The following ADAMTS12 variants were observed in gnomAD, a reference collection of about 807,000 sequenced individuals.
ADAMTS12 encodes the protein A disintegrin and metalloproteinase with thrombospondin motifs 12.
ADAMTS12 carries 118 observed loss-of-function variants against 167.8 expected under a neutral mutation model. That is an observed-to-expected ratio of 0.70 (90% CI 0.61 to 0.82). ADAMTS12 has a LOEUF of 0.82. Among genes scored for constraint, ADAMTS12 ranks in the 40% least tolerant of loss-of-function variants. The pLI, the probability that ADAMTS12 is intolerant of heterozygous loss-of-function variation, is 0.00. For synonymous variants in ADAMTS12, 704 were observed against 716.9 expected, an observed-to-expected ratio of 0.98 and a Z score of 0.29; for missense variants, 1,916 against 1,998.8, an observed-to-expected ratio of 0.96 and a Z score of 0.79.
intron 3 of ADAMTS12, among the ~76,000 whole-genome samples, chr5:33,689,412 C>CAA (rs56858878): frequency 0.015 from 2,156 of 148,380 alleles, 47 homozygotes; most frequent in African/African-American, 0.047. Flanking sequence ...AGGATCAACT[C>CAA]AAAAAAAAAA....
chr5:33,679,461 G>T (rs890535934), intron 5 of ADAMTS12, among the ~76,000 whole-genome samples: 26 of 152,160 alleles, frequency 1.7e-4, no homozygotes, highest in Non-Finnish European at 3.7e-4. Context: ...GGAAGGAGAA[G>T]TGCCAAGCAG....
At chr5:33,689,365 T>A (rs933782614) in intron 3 of ADAMTS12, among the ~76,000 whole-genome samples, 2 of 140,062 alleles carry the variant, frequency 1.4e-5, no homozygotes, top group South Asian at 4.5e-4. Context: ...GTTTCTGGGA[T>A]CATCTGCCTA....
intron 2 of ADAMTS12, among the ~76,000 whole-genome samples, chr5:33,758,832 T>C (rs950541219): frequency 1.3e-4 from 20 of 152,142 alleles, no homozygotes; most frequent in African/African-American, 4.3e-4. Context: ...AGGCACTATA[T>C]ATGTCAGTTC....
At chr5:33,670,791 A>C (rs1012388592) in intron 5 of ADAMTS12, among the ~76,000 whole-genome samples, 1 of 152,222 alleles carries the variant, frequency 6.6e-6, no homozygotes, top group Non-Finnish European at 1.5e-5. Flanking sequence ...CAATGACCAT[A>C]TAACTTAGCA....
rs934387904 is a variant in ADAMTS12 at position 33,844,655 on chromosome 5, G to A, written c.489+36464C>T. Among the ~76,000 whole-genome samples, 3 of 152,254 alleles carry A rather than the reference G, an allele frequency of 2.0e-5. No homozygotes were observed. The South Asian group carries it at 6.2e-4, about 32-fold the overall frequency. On this transcript the variant is annotated intron_variant, in intron 2 of 23. Transcript: ENST00000504830. ...AATTTTAATTTTGCCCCGGTCCTGTGGTCCCATGATCTCGCCCTGCCTCCA... is the reference window on the plus strand; with the variant it reads ...AATTTTAATTTTGCCCCGGTCCTGTAGTCCCATGATCTCGCCCTGCCTCCA...
At chr5:33,821,174 T>C (rs948577547) in intron 2 of ADAMTS12, among the ~76,000 whole-genome samples, 12 of 152,312 alleles carry the variant, frequency 7.9e-5, no homozygotes, top group African/African-American at 2.9e-4. Flanking sequence ...ATAACACCAG[T>C]AATGACCATT....
intron 1 of ADAMTS12, 84 bp from the exon 2 acceptor site, chr5:33,881,564 CTTTT>C: frequency 1.6e-6 from 2 of 1,254,100 alleles, no homozygotes; most frequent in Non-Finnish European, 2.2e-6. Context: ...TGAATGCTAG[CTTTT>C]TTTTTTTTTG....
chr5:33,790,523 T>C (rs1348551822), intron 2 of ADAMTS12, among the ~76,000 whole-genome samples: 1 of 141,756 alleles, frequency 7.1e-6, no homozygotes, highest in Non-Finnish European at 1.5e-5. Context: ...ACTGCACTCC[T>C]CCAGCCTGGG....
chr5:33,708,478 T>C (rs1222242992), intron 3 of ADAMTS12, among the ~76,000 whole-genome samples: 2 of 152,186 alleles, frequency 1.3e-5, no homozygotes, highest in African/African-American at 2.4e-5. Context: ...ATCATTCTAC[T>C]ATAAAGACAC....
intron 2 of ADAMTS12, among the ~76,000 whole-genome samples, chr5:33,858,345 G>A (rs1749483518): frequency 6.6e-6 from 1 of 152,188 alleles, no homozygotes; most frequent in Non-Finnish European, 1.5e-5. Context: ...AAAAGCTAAA[G>A]CACAAAATGC....
At position 33,616,015 on chromosome 5, in the gene ADAMTS12, A is replaced by G. The variant is rs970095169; in HGVS notation, c.2201T>C (p.Ile734Thr). 8.1e-6 allele frequency: 13 copies of G among 1,614,114 alleles called. No homozygotes were observed. The highest frequency in any genetic ancestry group is 1.1e-5 in the Non-Finnish European group (13 of 1,180,004). ...GGCCAGGAAGTTTCCAGCTCCCTCA[A>G]TTTCCATCACTCTTATGTCCCTTGC... is the stretch of plus-strand genomic sequence containing the variant. ...KGARDIRVME[I>T]EGAGNFLAIR... Residue 734 changes from isoleucine to threonine, a missense_variant, in exon 15 of 24, where the codon ATT (isoleucine) becomes ACT (threonine). By Grantham distance (89) the Ile-to-Thr change is moderately conservative. Transcript: ENST00000504830.
chr5:33,779,829 A>C (rs79023264), intron 2 of ADAMTS12, among the ~76,000 whole-genome samples: 4,551 of 152,280 alleles, frequency 0.03, 193 homozygotes, highest in East Asian at 0.14. Context: ...AGGGCCATGA[A>C]GAGATGTTGG....
chr5:33,592,872 T>A (rs530353757), intron 17 of ADAMTS12, among the ~76,000 whole-genome samples: 1 of 152,212 alleles, frequency 6.6e-6, no homozygotes, highest in African/African-American at 2.4e-5. Context: ...TTAGAGATCA[T>A]GGAAATTCGG....
chr5:33,545,137 T>G (rs967414852), intron 22 of ADAMTS12, among the ~76,000 whole-genome samples: 1 of 152,206 alleles, frequency 6.6e-6, no homozygotes, highest in African/African-American at 2.4e-5. Context: ...ATCCAGAATC[T>G]GCAAAGAACT....
chr5:33,682,396 A>G (rs1742156137), intron 5 of ADAMTS12, among the ~76,000 whole-genome samples: 1 of 152,034 alleles, frequency 6.6e-6, no homozygotes, highest in South Asian at 2.1e-4. Context: ...AAGTACTTGG[A>G]TATGAGCCTG....
intron 2 of ADAMTS12, among the ~76,000 whole-genome samples, chr5:33,755,312 G>A (rs1349279474): frequency 2.6e-5 from 4 of 152,180 alleles, no homozygotes; most frequent in African/African-American, 9.7e-5. Flanking sequence ...GGAGAAATAT[G>A]GCAAGCCCAG....
chr5:33,779,186 T>TA (rs1171395378), intron 2 of ADAMTS12, among the ~76,000 whole-genome samples: 1 of 59,870 alleles, frequency 1.7e-5, no homozygotes. Flanking sequence ...AAATTAGTAT[T>TA]TTTTTTTTTT....
At chr5:33,792,198 G>A (rs1389328852) in intron 2 of ADAMTS12, among the ~76,000 whole-genome samples, 5 of 152,000 alleles carry the variant, frequency 3.3e-5, no homozygotes, top group East Asian at 1.9e-4. Flanking sequence ...ACTTCAACAC[G>A]TTAGCCAGGC....
At chr5:33,799,232 A>C (rs546145759) in intron 2 of ADAMTS12, among the ~76,000 whole-genome samples, 1 of 152,336 alleles carries the variant, frequency 6.6e-6, no homozygotes, top group South Asian at 2.1e-4. Context: ...CAATGTTGCT[A>C]TATTGGTTGG....
Sources: allele counts gnomAD v4.1 joint callset (sites outside exome capture counted in the v4.1 genomes callset), GRCh38; gene constraint gnomAD v4.1.1; transcripts MANE v1.5; gene names NCBI Gene and HGNC (gene_info 2026-07-23, HGNC 2026-07-21).